B4GALNT3: variants seen among roughly 807,000 people sequenced by gnomAD.
B4GALNT3 encodes the protein beta-1,4-N-acetyl-galactosaminyltransferase 3, also known as beta-1,4-N-acetylgalactosaminyltransferase 3.
In B4GALNT3, 86 loss-of-function variants were observed where a neutral mutation model predicts 120.2. That is an observed-to-expected ratio of 0.72 (90% CI 0.60 to 0.86). B4GALNT3 has a LOEUF of 0.86. B4GALNT3 is among the 40% of genes least tolerant of loss of function. The pLI is 0.00. For missense variants in B4GALNT3, 1,167 were observed against 1,298.9 expected (o/e 0.90, Z 1.56); for synonymous variants, 518 against 510.4 (o/e 1.01, Z -0.20).
At chr12:474,432 A>G (rs1946164602) in intron 1 of B4GALNT3, among the ~76,000 whole-genome samples, 2 of 152,268 alleles carry the variant, frequency 1.3e-5, no homozygotes, top group East Asian at 1.9e-4. Context: ...GTCTTCCCCC[A>G]TGAGATTGTA....
Position 561,453 on chromosome 12 carries a change from C to T in B4GALNT3, c.*2C>T, listed in dbSNP as rs146397999. 70 of 1,608,936 alleles carry T rather than the reference C, an allele frequency of 4.4e-5. No homozygotes were observed. The East Asian group carries it at 5.4e-4, about 12-fold the overall frequency. On this transcript the variant is annotated 3_prime_UTR_variant, in exon 20 of 20. Coordinates refer to ENST00000266383, the MANE Select transcript of B4GALNT3 (RefSeq NM_173593.4). ...CGTCGCCAGATGAAGACGCTGTAGC[C>T]GGAGGGTGTCCGCGGGGCCCAGCAC...
intron 1 of B4GALNT3, among the ~76,000 whole-genome samples, chr12:487,446 C>T (rs11063222): frequency 0.086 from 13,048 of 152,218 alleles, 668 homozygotes; most frequent in East Asian, 0.21. Flanking sequence ...TGTGTGGTAG[C>T]TTACACCTGT....
chr12:475,939 C>G (rs375358893), intron 1 of B4GALNT3, among the ~76,000 whole-genome samples: 19 of 152,266 alleles, frequency 1.2e-4, no homozygotes, highest in African/African-American at 4.1e-4. Flanking sequence ...TCGCTGTGCC[C>G]GTGTTTCCTC....
chr12:560,789 A>G (rs1947220707), intron 19 of B4GALNT3, among the ~76,000 whole-genome samples: 1 of 152,160 alleles, frequency 6.6e-6, no homozygotes, highest in African/African-American at 2.4e-5. Context: ...TCAGGCATCC[A>G]GTTCGGCCAC....
rs146834157 is a variant in B4GALNT3, at chr12:514,771, G to T, written c.170-20395G>T. ...GGGCTGGGCGTGGTGGCTTACACCT[G>T]TAATCCCAGCACTTTGGAAGGCCAA... is the stretch of plus-strand genomic sequence containing the variant. On this transcript the variant is annotated intron_variant, in intron 1 of 19. Transcript: ENST00000266383. 2.5e-3 allele frequency among the ~76,000 whole-genome samples: 382 copies of T among 152,046 alleles called. 3 individuals carry two copies. The highest frequency in any genetic ancestry group is 8.7e-3 in the African/African-American group (360 of 41,518).
chr12:489,561 TA>T (rs1946322335), intron 1 of B4GALNT3, among the ~76,000 whole-genome samples: 2 of 152,150 alleles, frequency 1.3e-5, no homozygotes, highest in Non-Finnish European at 2.9e-5. Context: ...ATAACCACTT[TA>T]AATAGAAAGA....
At position 553,672 on chromosome 12, in the gene B4GALNT3, T is replaced by G. The variant is rs1056008; in HGVS notation, c.1749T>G (p.Pro583=). 8.1e-6 allele frequency: 13 copies of G among 1,613,518 alleles called. No individual in the cohort carries two copies. In the South Asian group the frequency reaches 1.4e-4, roughly 18 times the overall value. ...GTGACAGGATGCGGCCTCAGGCCCC[T>G]GGAAGGGGCTGGCATGGGGAGGAGG... ...RRGDRMRPQA[P]GRGWHGEEEV... Residue 583 remains proline (P), a synonymous_variant, in exon 14 of 20, where the codon CCT becomes CCG. Transcript: ENST00000266383.
Position 536,230 on chromosome 12 carries a change from G to T in B4GALNT3, c.286G>T (p.Asp96Tyr). 1 of 1,614,048 alleles carries T rather than the reference G, an allele frequency of 6.2e-7. No individual in the cohort carries two copies. Among genetic ancestry groups the T allele is most frequent in the South Asian group, 1.1e-5 (1 of 91,070 alleles). Residue 96 changes from aspartate (D) to tyrosine (Y), a missense_variant, in exon 3 of 20, where the codon GAC becomes TAC. Around this residue, in one of 3 missense-constraint regions of B4GALNT3, gnomAD observed 171 missense variants for 161.3 expected, o/e 1.06. Transcript: ENST00000266383. ...ATTCTTCCCCTAGGACCACGACATT[G>T]ACCAAGGGGTGAGCAGTAACAGCAG... ...QRLSLEDHDI[D>Y]QGVSSNSSYL...
intron 1 of B4GALNT3, among the ~76,000 whole-genome samples, chr12:480,189 A>G (rs1052083489): frequency 4.0e-5 from 6 of 148,364 alleles, no homozygotes; most frequent in Non-Finnish European, 8.9e-5. Flanking sequence ...TGCTGAGATT[A>G]CAGGCGTGAG....
intron 1 of B4GALNT3, among the ~76,000 whole-genome samples, chr12:464,292 A>G (rs1478611177): frequency 4.6e-5 from 7 of 152,186 alleles, no homozygotes; most frequent in Non-Finnish European, 1.5e-5. Flanking sequence ...TTATATACCC[A>G]TTTGTTCATA....
intron 1 of B4GALNT3, among the ~76,000 whole-genome samples, chr12:508,612 T>C (rs1946519356): frequency 6.6e-6 from 1 of 152,142 alleles, no homozygotes; most frequent in South Asian, 2.1e-4. Flanking sequence ...ATCGGCCTTA[T>C]TCCTCTCACT....
At chr12:512,997 C>T (rs1178769027) in intron 1 of B4GALNT3, among the ~76,000 whole-genome samples, 5 of 135,112 alleles carry the variant, frequency 3.7e-5, no homozygotes, top group African/African-American at 1.4e-4. Context: ...ATCTTCCTTC[C>T]ACCTTCCACC....
At chr12:528,591 G>A (rs1946778692) in intron 1 of B4GALNT3, among the ~76,000 whole-genome samples, 1 of 152,226 alleles carries the variant, frequency 6.6e-6, no homozygotes, top group Non-Finnish European at 1.5e-5. Context: ...TGCCATTGGA[G>A]CATTGGGTTT....
At chr12:511,438 CCTTCCA>C (rs1946556719) in intron 1 of B4GALNT3, among the ~76,000 whole-genome samples, 1 of 59,398 alleles carries the variant, frequency 1.7e-5, no homozygotes. Flanking sequence ...CCTTCTTCCA[CCTTCCA>C]CCTTCCACCT....
At position 536,194 on chromosome 12, in the gene B4GALNT3, C is replaced by T. The variant is rs183711157; in HGVS notation, c.274-24C>T. The T allele has an allele frequency of 2.1e-4, 331 of 1,597,044 alleles. No individual in the cohort carries two copies. The African/African-American group carries it at 4.2e-3, about 20-fold the overall frequency. On this transcript the variant is annotated intron_variant, in intron 2 of 19. Coordinates refer to ENST00000266383, the MANE Select transcript of B4GALNT3 (RefSeq NM_173593.4). ...CTTCTCATCCTAATATTCCTACCAA[C>T]TTCGTTCTTCATTCTTCCCCTAGGA...
At chr12:468,423 T>C (rs978657718) in intron 1 of B4GALNT3, among the ~76,000 whole-genome samples, 1 of 152,176 alleles carries the variant, frequency 6.6e-6, no homozygotes, top group Non-Finnish European at 1.5e-5. Flanking sequence ...CGTCTTTCCA[T>C]ATAAGAAGAC....
Position 556,628 on chromosome 12 carries a change from A to G in B4GALNT3, c.2142A>G (p.Glu714=), listed in dbSNP as rs766210209. The part of the protein sequence containing the change: ...LRGGRYLLEL[E]LLEQGQRVVR... ...GGGGTCGCTACCTCCTGGAGCTTGA[A>G]CTGTTGGAACAAGGCCAGCGCGTGG... is the stretch of plus-strand genomic sequence containing the variant. Residue 714 remains glutamate, a synonymous_variant, in exon 15 of 20, where the codon GAA becomes GAG. Coordinates refer to ENST00000266383, the MANE Select transcript of B4GALNT3 (RefSeq NM_173593.4). 3.0e-5 allele frequency: 48 copies of G among 1,613,848 alleles called. No homozygotes were observed. Among genetic ancestry groups the G allele is most frequent in the Non-Finnish European group, 4.0e-5 (47 of 1,180,042 alleles).
chr12:514,346 C>T lies in B4GALNT3; in HGVS notation c.170-20820C>T, dbSNP rs368311397. Among the ~76,000 whole-genome samples the T allele has an allele frequency of 9.4e-3, 1,434 of 152,060 alleles. 12 individuals are homozygous for T. Among genetic ancestry groups the T allele is most frequent in the Middle Eastern group, 0.024 (7 of 294 alleles). On this transcript the variant is annotated intron_variant, in intron 1 of 19. Transcript: ENST00000266383. ...CCAAGTAGCTGGGACTACAGGTGCC[C>T]GCCACCACGCCTGGCTAATTTTTTG...
intron 14 of B4GALNT3, among the ~76,000 whole-genome samples, chr12:556,071 C>G (rs947090810): frequency 6.6e-5 from 10 of 152,212 alleles, no homozygotes; most frequent in African/African-American, 2.4e-4. Context: ...GTGTGAGCCA[C>G]TGCACCTGGC....
Sources: allele counts gnomAD v4.1 joint callset (sites outside exome capture counted in the v4.1 genomes callset), GRCh38; gene constraint gnomAD v4.1.1; regional missense constraint gnomAD v4.1.1; transcripts MANE v1.5; gene names NCBI Gene and HGNC (gene_info 2026-07-23, HGNC 2026-07-21).